Variants in ATP6V1D observed in about 807,000 individuals in gnomAD.
ATP6V1D encodes ATPase H+ transporting V1 subunit D, also known as V-type proton ATPase subunit D.
A neutral mutation model predicts 39.4 loss-of-function variants in ATP6V1D; 20 were observed. That is an observed-to-expected ratio of 0.51 (90% CI 0.36 to 0.74). ATP6V1D has a LOEUF of 0.74. Ranked by LOEUF, ATP6V1D falls within the 30% of genes least tolerant of loss-of-function variation. The pLI, the probability that ATP6V1D is intolerant of heterozygous loss-of-function variation, is 0.00. For missense variants in ATP6V1D, 228 were observed against 291.6 expected (o/e 0.78, Z 1.59); for synonymous variants, 100 against 100.5 (o/e 0.99, Z 0.03).
chr14:67,339,233 G>A (rs1036338316), intron 8 of ATP6V1D, among the ~76,000 whole-genome samples: 1 of 152,040 alleles, frequency 6.6e-6, no homozygotes, highest in Non-Finnish European at 1.5e-5. Context: ...TCCTGACCTT[G>A]TGATCCACCC....
intron 6 of ATP6V1D, among the ~76,000 whole-genome samples, chr14:67,344,167 T>G (rs940201541): frequency 1.6e-4 from 24 of 152,248 alleles, no homozygotes; most frequent in Non-Finnish European, 3.5e-4. Flanking sequence ...ATTTGTAATC[T>G]GTAGCCAATG....
intron 1 of ATP6V1D, among the ~76,000 whole-genome samples, chr14:67,353,535 T>C (rs1266933758): frequency 6.6e-6 from 1 of 152,118 alleles, no homozygotes; most frequent in African/African-American, 2.4e-5. Context: ...AGGCCCAGGC[T>C]GGAGTGCAAT....
chr14:67,350,261 A>C (rs1005245877), intron 3 of ATP6V1D, among the ~76,000 whole-genome samples: 17 of 152,224 alleles, frequency 1.1e-4, no homozygotes, highest in African/African-American at 4.1e-4. Flanking sequence ...TTTCCCTAAT[A>C]TTCCAAAAAA....
intron 5 of ATP6V1D, among the ~76,000 whole-genome samples, chr14:67,346,076 T>C (rs746573847): frequency 5.3e-5 from 8 of 152,222 alleles, no homozygotes; most frequent in Non-Finnish European, 1.2e-4. Flanking sequence ...AAGAATACTA[T>C]TCTAAATATA....
chr14:67,351,457 T>C, intron 2 of ATP6V1D, among the ~76,000 whole-genome samples: 1 of 152,232 alleles, frequency 6.6e-6, no homozygotes, highest in East Asian at 1.9e-4. Flanking sequence ...TCAGAAGCTA[T>C]ATAAAGAAAA....
In ATP6V1D at chr14:67,359,729, G is replaced by A. The variant is rs761211295; in HGVS notation, c.-31C>T. ...CGATAACTTTTCGGCTCGGGTCCCC[G>A]GCCGGGCAACCGAGGCTGCAATAGC... is the stretch of plus-strand genomic sequence containing the variant. On this transcript the variant is annotated 5_prime_UTR_variant, in exon 1 of 9. Transcript: ENST00000216442. The A allele has an allele frequency of 1.9e-6, 3 of 1,613,376 alleles. No homozygotes were observed. The highest frequency in any genetic ancestry group is 3.3e-5 in the Admixed American group (2 of 60,002).
chr14:67,343,170 C>T (rs998102964), intron 7 of ATP6V1D, among the ~76,000 whole-genome samples: 1 of 152,164 alleles, frequency 6.6e-6, no homozygotes, highest in African/African-American at 2.4e-5. Context: ...GTAACTCCCC[C>T]AGATCATACA....
rs770776869 is a variant in ATP6V1D at position 67,344,267 on chromosome 14, T to G, written c.457-829A>C. ...CTCCTAAACTTTCCCATAAAAGCCT[T>G]CCAACTTGTAGCAGACTCTAGAACA... On this transcript the variant is annotated intron_variant, in intron 6 of 8. Transcript: ENST00000216442. Among the ~76,000 whole-genome samples the G allele has an allele frequency of 7.4e-4, 112 of 152,210 alleles. 2 individuals carry two copies. The highest frequency in any genetic ancestry group is 4.8e-3 in the Admixed American group (73 of 15,274).
intron 7 of ATP6V1D, among the ~76,000 whole-genome samples, chr14:67,341,328 G>A (rs1364059460): frequency 1.3e-4 from 19 of 144,856 alleles, no homozygotes; most frequent in African/African-American, 2.3e-4. Context: ...CGGCCACCCC[G>A]TCTGAGAAGT....
intron 6 of ATP6V1D, 151 bp downstream of exon 6, chr14:67,345,617 C>T (rs930004413): frequency 1.8e-6 from 1 of 555,662 alleles, no homozygotes; most frequent in Non-Finnish European, 3.2e-6. Context: ...GCCATCACTT[C>T]AGAAATCAAA....
chr14:67,354,247 T>C (rs574469085), intron 1 of ATP6V1D, among the ~76,000 whole-genome samples: 9 of 152,348 alleles, frequency 5.9e-5, no homozygotes, highest in African/African-American at 1.9e-4. Context: ...AATCAATATC[T>C]GGAATATTTA....
intron 1 of ATP6V1D, among the ~76,000 whole-genome samples, chr14:67,359,237 C>G (rs1392498026): frequency 1.3e-5 from 2 of 152,320 alleles, no homozygotes; most frequent in African/African-American, 2.4e-5. Context: ...GTAAACTTCC[C>G]TTCTCAGAGC....
intron 5 of ATP6V1D, among the ~76,000 whole-genome samples, chr14:67,346,122 C>T (rs193001514): frequency 1.3e-5 from 2 of 152,266 alleles, no homozygotes; most frequent in Admixed American, 1.3e-4. Flanking sequence ...CTTCACTTCA[C>T]TAGCTTGATG....
At chr14:67,344,529 T>C (rs1219937553) in intron 6 of ATP6V1D, among the ~76,000 whole-genome samples, 1 of 152,150 alleles carries the variant, frequency 6.6e-6, no homozygotes, top group Non-Finnish European at 1.5e-5. Flanking sequence ...GCACAAACGA[T>C]GTTTATTTAC....
chr14:67,352,703 G>A (rs552145021), intron 2 of ATP6V1D: 15 of 426,232 alleles, frequency 3.5e-5, no homozygotes, highest in African/African-American at 1.0e-4. Context: ...AGAGGCAGGC[G>A]GGGGGCCAAT....
At chr14:67,346,949 T>TACATA (rs1406302236) in intron 5 of ATP6V1D, among the ~76,000 whole-genome samples, 2 of 152,224 alleles carry the variant, frequency 1.3e-5, no homozygotes, top group African/African-American at 4.8e-5. Flanking sequence ...TATTGAAATA[T>TACATA]TTTAAGATAT....
intron 2 of ATP6V1D, among the ~76,000 whole-genome samples, chr14:67,351,018 T>G (rs2085651156): frequency 6.6e-6 from 1 of 152,226 alleles, no homozygotes; most frequent in African/African-American, 2.4e-5. Context: ...GCAGTTGCAG[T>G]CAAAACCCTA....
intron 1 of ATP6V1D, 28 bp downstream of exon 1, chr14:67,359,630 A>G: frequency 1.2e-6 from 2 of 1,613,716 alleles, no homozygotes; most frequent in Non-Finnish European, 1.7e-6. Context: ...AAACCTGTGA[A>G]AGCGGCTTAT....
intron 3 of ATP6V1D, among the ~76,000 whole-genome samples, chr14:67,350,332 C>G (rs1327380797): frequency 6.6e-6 from 1 of 151,974 alleles, no homozygotes; most frequent in African/African-American, 2.4e-5. Context: ...TGAGAAAGAT[C>G]ATACAGCCAT....
Sources: allele counts gnomAD v4.1 joint callset (sites outside exome capture counted in the v4.1 genomes callset), GRCh38; gene constraint gnomAD v4.1.1; transcripts MANE v1.5; gene names NCBI Gene and HGNC (gene_info 2026-07-23, HGNC 2026-07-21).